ARIH2: variants seen among roughly 807,000 people sequenced by gnomAD.
The protein encoded by ARIH2 is E3 ubiquitin-protein ligase ARIH2.
ARIH2 carries 12 observed loss-of-function variants against 79.8 expected under a neutral mutation model. That is an observed-to-expected ratio of 0.15 (90% CI 0.10 to 0.24). The LOEUF is 0.24. Among genes scored for constraint, ARIH2 ranks in the 10% least tolerant of loss-of-function variants. ARIH2 has a pLI of 1.00. For missense variants in ARIH2, 301 were observed against 618.3 expected (o/e 0.49, Z 5.44); for synonymous variants, 224 against 213.9 (o/e 1.05, Z -0.41).
At chr3:48,959,452 T>C (rs1224312240) in intron 3 of ARIH2, among the ~76,000 whole-genome samples, 1 of 151,202 alleles carries the variant, frequency 6.6e-6, no homozygotes, top group Admixed American at 6.6e-5. Context: ...TGGGGACGAA[T>C]AGCTTTGTTA....
chr3:48,977,062 C>T (rs928298605), intron 11 of ARIH2, among the ~76,000 whole-genome samples: 6 of 151,920 alleles, frequency 3.9e-5, no homozygotes, highest in Non-Finnish European at 8.8e-5. Flanking sequence ...ATTAGCCAGG[C>T]GCAATGGCGC....
At chr3:48,947,211 CGGG>C (rs1248710526) in intron 3 of ARIH2, among the ~76,000 whole-genome samples, 1 of 152,090 alleles carries the variant, frequency 6.6e-6, no homozygotes, top group Non-Finnish European at 1.5e-5. Flanking sequence ...GAGGCCGAGG[CGGG>C]GGGATCACCT....
intron 7 of ARIH2, among the ~76,000 whole-genome samples, chr3:48,970,143 C>G (rs1311899916): frequency 6.6e-6 from 1 of 152,124 alleles, no homozygotes; most frequent in African/African-American, 2.4e-5. Flanking sequence ...CCACCTGCCT[C>G]GGCCTCCCAA....
intron 3 of ARIH2, among the ~76,000 whole-genome samples, chr3:48,951,791 G>A (rs1299553242): frequency 2.0e-5 from 3 of 151,944 alleles, no homozygotes; most frequent in Non-Finnish European, 4.4e-5. Context: ...CTCTGTTATG[G>A]ATAATTTGTT....
At chr3:48,940,620 C>T (rs571177920) in intron 3 of ARIH2, among the ~76,000 whole-genome samples, 1 of 151,794 alleles carries the variant, frequency 6.6e-6, no homozygotes, top group South Asian at 2.1e-4. Flanking sequence ...AACCCCATCT[C>T]TACATCTCTA....
intron 3 of ARIH2, among the ~76,000 whole-genome samples, chr3:48,928,879 C>G (rs1488537049): frequency 6.6e-6 from 1 of 151,318 alleles, no homozygotes; most frequent in South Asian, 2.1e-4. Flanking sequence ...GACTTCCTGT[C>G]TTGTGCTGAG....
chr3:48,979,429 G>A, intron 11 of ARIH2, 53 bp from the exon 12 acceptor site: 4 of 1,585,452 alleles, frequency 2.5e-6, no homozygotes, highest in Non-Finnish European at 3.4e-6. Context: ...TGCCTATGGA[G>A]GAAAGTGGAG....
At chr3:48,959,133 G>A (rs924132508) in intron 3 of ARIH2, among the ~76,000 whole-genome samples, 25 of 151,706 alleles carry the variant, frequency 1.6e-4, no homozygotes, top group Admixed American at 1.6e-3. Flanking sequence ...TGGCTAACAC[G>A]GTGAAACCCC....
chr3:48,981,705 G>A lies in ARIH2; in HGVS notation c.1303G>A (p.Glu435Lys), dbSNP rs776808107. The stretch of plus-strand genomic sequence containing the variant: ...CACCTACCCATATGCATATTACATG[G>A]AGTCCGGACCCAGGAAGAAGCTGGT... ...QYTYPYAYYM[E>K]SGPRKKLFEY... Residue 435 changes from glutamate to lysine, a missense_variant, in exon 14 of 16, where the codon GAG (glutamate) becomes AAG (lysine). Physicochemically the swap from Glu to Lys is moderately conservative, Grantham distance 56. Around this residue, in one of 2 missense-constraint regions of ARIH2, gnomAD observed 78 missense variants for 268.9 expected, o/e 0.29. Transcript: ENST00000356401. 2 of 1,613,910 alleles carry A rather than the reference G, an allele frequency of 1.2e-6. No homozygotes were observed. The highest frequency in any genetic ancestry group is 2.2e-5 in the South Asian group (2 of 91,074).
Position 48,967,247 on chromosome 3 carries a change from A to C in ARIH2, c.510A>C (p.Ser170=). 2 of 1,614,142 alleles carry C rather than the reference A, an allele frequency of 1.2e-6. No homozygotes were observed. The highest frequency in any genetic ancestry group is 8.5e-7 in the Non-Finnish European group (1 of 1,180,000). The change falls in exon 6 of 16, where the codon TCA becomes TCC. Residue 170 remains serine, a synonymous_variant. Transcript: ENST00000356401. ...FCRSCWEQHC[S]VLVKDGVGVG... is the part of the protein sequence containing the mutation. ...GCAGCTGCTGGGAGCAGCACTGCTC[A>C]GTTCTCGTCAAGGACGGCGTGGGCG...
intron 3 of ARIH2, among the ~76,000 whole-genome samples, chr3:48,928,327 G>A (rs2085911189): frequency 6.6e-6 from 1 of 152,072 alleles, no homozygotes; most frequent in Non-Finnish European, 1.5e-5. Flanking sequence ...CATTGATTTA[G>A]GGGGTGTTAG....
chr3:48,983,286 T>TGGCTGC lies in ARIH2; in HGVS notation c.*17_*18insGCTGCG. 6.2e-7 allele frequency: 1 copy of TGGCTGC among 1,613,948 alleles called. No individual in the cohort carries two copies. The highest frequency in any genetic ancestry group is 1.1e-5 in the South Asian group (1 of 91,090). On this transcript the variant is annotated 3_prime_UTR_variant, in exon 16 of 16. Transcript: ENST00000356401. ...TGACACCTAAGTTGGGATGTGGATG[T>TGGCTGC]GCCGGGGTGAGGAAGATGTGGCTGC...
chr3:48,975,109 A>G (rs2092430312), intron 11 of ARIH2, 130 bp downstream of exon 11: 12 of 1,475,878 alleles, frequency 8.1e-6, no homozygotes, highest in Middle Eastern at 2.2e-4. Context: ...TAACAGTCAC[A>G]GTAACTGGCA....
At chr3:48,923,193 C>T (rs2085062464) in intron 2 of ARIH2, among the ~76,000 whole-genome samples, 1 of 149,924 alleles carries the variant, frequency 6.7e-6, no homozygotes, top group Non-Finnish European at 1.5e-5. Context: ...GGCGACAGAG[C>T]GAGACTCCGT....
rs1198836829 is a variant in ARIH2 at position 48,984,610 on chromosome 3, G to A, written c.*1340G>A. The stretch of plus-strand genomic sequence containing the variant: ...ACCTGGTCCTGTGGGCCATTGAAAA[G>A]TTAGATCTGTGATCTCTGGGGTTTT... On this transcript the variant is annotated 3_prime_UTR_variant, in exon 16 of 16. Transcript: ENST00000356401. 6.6e-6 allele frequency: 1 copy of A among 152,270 alleles called. No individual in the cohort carries two copies. The highest frequency in any genetic ancestry group is 1.5e-5 in the Non-Finnish European group (1 of 68,102). The allele number at this position is 152,270 out of a possible 1,614,324, so 9.4% of individuals were successfully genotyped here. A position where few individuals can be genotyped will look rare whatever the true frequency, so the allele number is the denominator to read the frequency against.
Position 48,921,180 on chromosome 3 carries a change from C to G in ARIH2, c.-161-1568C>G. ...TCATGTTGATTAGGCTGGTCTCGAACTCTTGACCTTGTGATCTGCCACCTT... is the reference window on the plus strand; with the variant it reads ...TCATGTTGATTAGGCTGGTCTCGAAGTCTTGACCTTGTGATCTGCCACCTT... On this transcript the variant is annotated intron_variant, in intron 1 of 15. Coordinates refer to ENST00000356401, the MANE Select transcript of ARIH2 (RefSeq NM_006321.4). Among the ~76,000 whole-genome samples the G allele has an allele frequency of 2.5e-5, 2 of 78,664 alleles. 1 individual carries two copies. Among genetic ancestry groups the G allele is most frequent in the Non-Finnish European group, 5.2e-5 (2 of 38,314 alleles). The allele number at this position is 78,664 out of a possible 152,430, so 51.6% of individuals were successfully genotyped here.
At chr3:48,940,804 A>T (rs1489835736) in intron 3 of ARIH2, among the ~76,000 whole-genome samples, 3 of 101,024 alleles carry the variant, frequency 3.0e-5, no homozygotes, top group African/African-American at 1.0e-4. Flanking sequence ...CAAAAAAAAA[A>T]AAAAATATAT....
chr3:48,941,255 G>A (rs2088171388), intron 3 of ARIH2, among the ~76,000 whole-genome samples: 1 of 151,942 alleles, frequency 6.6e-6, no homozygotes, highest in African/African-American at 2.4e-5. Flanking sequence ...TGGAACCACA[G>A]TGAAGAAAAT....
Position 48,974,875 on chromosome 3 carries a change from G to GA in ARIH2, c.939+10dup. Reference sequence around the variant, plus strand: ...GGAGGCTGCAATCACATGGTGAGCAGAAGCCTCTGCAGTTTGCATGTGTGA... The same window carrying GA: ...GGAGGCTGCAATCACATGGTGAGCAGAAAGCCTCTGCAGTTTGCATGTGTGA... On this transcript the variant is annotated intron_variant, in intron 10 of 15. Coordinates refer to ENST00000356401, the MANE Select transcript of ARIH2 (RefSeq NM_006321.4). The GA allele has an allele frequency of 6.2e-7, 1 of 1,614,150 alleles. No individual in the cohort carries two copies. The highest frequency in any genetic ancestry group is 8.5e-7 in the Non-Finnish European group (1 of 1,180,046).
Sources: allele counts gnomAD v4.1 joint callset (sites outside exome capture counted in the v4.1 genomes callset), GRCh38; gene constraint gnomAD v4.1.1; regional missense constraint gnomAD v4.1.1; transcripts MANE v1.5; gene names NCBI Gene and HGNC (gene_info 2026-07-23, HGNC 2026-07-21).